Variants in SLC26A6 observed in about 807,000 individuals in gnomAD.
SLC26A6 encodes anion exchange transporter.
Under a neutral mutation model 87.1 loss-of-function variants are expected in SLC26A6, and 67 were observed. That is an observed-to-expected ratio of 0.77 (90% confidence interval 0.63 to 0.94). The LOEUF (loss-of-function observed/expected upper bound fraction) is 0.94. Ranked by LOEUF, SLC26A6 falls within the 40% of genes least tolerant of loss-of-function variation. SLC26A6 has a pLI of 0.00. For synonymous variants in SLC26A6, 414 were observed against 405.9 expected (o/e 1.02, Z -0.24); for missense variants, 902 against 973.0 (o/e 0.93, Z 0.97).
At position 48,627,421 on chromosome 3, in the gene SLC26A6, C is replaced by T. The variant is rs1274933458; in HGVS notation, c.1894-366G>A. On this transcript the variant is annotated intron_variant, in intron 17 of 20. Transcript: ENST00000395550. ...AAACGCATGCAGACACCTCGGCACC[C>T]TGCCCTGTCTCAGTCTCTAATTAAG... 1.6e-5 allele frequency: 4 copies of T among 244,378 alleles called. No homozygotes were observed. The Admixed American group carries it at 2.0e-4, about 12-fold the overall frequency. 15.1% of individuals were successfully genotyped at this position (244,378 alleles called of 1,614,324 possible).
rs1272833093 is a variant in SLC26A6, at chr3:48,628,660, C to G, written c.1654G>C (p.Ala552Pro). Reference sequence around the variant, plus strand: ...GCATCACTGTAGAACTCAGCATTGGCAAAGTACACGGTGGCCGAGGAGCGG... The same window carrying G: ...GCATCACTGTAGAACTCAGCATTGGGAAAGTACACGGTGGCCGAGGAGCGG... ...VFRSSATVYF[A>P]NAEFYSDALK... is the part of the protein sequence containing the mutation. The change falls in exon 15 of 21, where the codon GCC becomes CCC. Residue 552 changes from alanine (A) to proline (P), a missense_variant. This residue lies in a region of SLC26A6 where 800 missense variants were observed against 856.8 expected (regional missense o/e 0.93). Coordinates refer to ENST00000395550, the MANE Select transcript of SLC26A6 (RefSeq NM_022911.3). The surrounding 1 kb of genome is among the most constrained non-coding windows in gnomAD (Gnocchi z 4.4). 1.9e-6 allele frequency: 3 copies of G among 1,613,574 alleles called. No homozygotes were observed. Among genetic ancestry groups the G allele is most frequent in the Non-Finnish European group, 8.5e-7 (1 of 1,179,930 alleles).
intron 1 of SLC26A6, 29 bp downstream of exon 1, chr3:48,635,342 G>C (rs777116387): frequency 6.3e-7 from 1 of 1,583,718 alleles, no homozygotes; most frequent in Non-Finnish European, 8.6e-7. Flanking sequence ...CGCTCGCGCG[G>C]GGCCACCGGG....
In SLC26A6 at chr3:48,635,362, T is replaced by C; in HGVS notation, c.23+9A>G. 6.3e-7 allele frequency: 1 copy of C among 1,588,480 alleles called. No homozygotes were observed. ...GCGCGGGGCCACCGGGAATGTGCGC[T>C]GAACTCACCCCGACGCATCCGCCAG... On this transcript the variant is annotated intron_variant, in intron 1 of 20. Coordinates refer to ENST00000395550, the MANE Select transcript of SLC26A6 (RefSeq NM_022911.3).
rs748302737 is a variant in SLC26A6 at position 48,626,642 on chromosome 3, G to C, written c.2117C>G (p.Ala706Gly). 46 of 1,613,970 alleles carry C rather than the reference G, an allele frequency of 2.9e-5. No homozygotes were observed. In the South Asian group the frequency reaches 5.1e-4, roughly 18 times the overall value. Residue 706 changes from alanine to glycine, a missense_variant, in exon 19 of 21, where the codon GCG (alanine) becomes GGG (glycine). By Grantham distance (60) the Ala-to-Gly change is moderately conservative (BLOSUM62 0). Around this residue, in one of 3 missense-constraint regions of SLC26A6, gnomAD observed 99 missense variants for 100.1 expected, o/e 0.99. Transcript: ENST00000395550. ...FREIEVEVYM[A>G]ACHSPVVSQL... is the part of the protein sequence containing the mutation. ...CCCACCCTACTCACTGTGGCAGGCC[G>C]CCATGTACACCTCCACCTCAATCTC...
chr3:48,632,191 A>G (rs2046821904), intron 5 of SLC26A6, 54 bp downstream of exon 5: 13 of 1,570,218 alleles, frequency 8.3e-6, no homozygotes, highest in Admixed American at 1.8e-5. Flanking sequence ...CAGACAGGAC[A>G]GTGGCGGGAG....
rs770962407 is a variant in SLC26A6 at position 48,628,377 on chromosome 3, G to T, written c.1800+57C>A. The T allele has an allele frequency of 6.2e-7, 1 of 1,606,840 alleles. No individual in the cohort carries two copies. The highest frequency in any genetic ancestry group is 1.7e-5 in the Admixed American group (1 of 59,598). On this transcript the variant is annotated intron_variant, in intron 16 of 20. Coordinates refer to ENST00000395550, the MANE Select transcript of SLC26A6 (RefSeq NM_022911.3). This position sits in a 1 kb window ranked among gnomAD's most constrained non-coding sequence, Gnocchi z 4.4. ...GGAGGAGTCGGGGGCCAGGAGAAAG[G>T]CTGGGGCAGGGAACAGGGGGCAGGA...
intron 9 of SLC26A6, 47 bp from the exon 10 acceptor site, chr3:48,630,767 G>T: frequency 6.4e-7 from 1 of 1,558,366 alleles, no homozygotes; most frequent in South Asian, 1.2e-5. Flanking sequence ...AGAAGTGGCT[G>T]GTCACTGTTC....
At position 48,628,538 on chromosome 3, in the gene SLC26A6, C is replaced by T. The variant is rs1175187591; in HGVS notation, c.1696G>A (p.Gly566Ser). ...FYSDALKQRCGVDVDFLISQK... is the reference protein window; with the variant it reads ...FYSDALKQRCSVDVDFLISQK... The stretch of plus-strand genomic sequence containing the variant: ...GAGATGAGGAAGTCGACATCCACAC[C>T]ACACTGGAGGCAAACATCAGAGAAG... Residue 566 changes from glycine (G) to serine (S), a missense_variant, in exon 16 of 21, where the codon GGT (glycine) becomes AGT (serine). Coordinates refer to ENST00000395550, the MANE Select transcript of SLC26A6 (RefSeq NM_022911.3). This position sits in a 1 kb window ranked among gnomAD's most constrained non-coding sequence, Gnocchi z 4.4. The T allele has an allele frequency of 6.2e-7, 1 of 1,614,064 alleles. No individual in the cohort carries two copies. Among genetic ancestry groups the T allele is most frequent in the East Asian group, 2.2e-5 (1 of 44,884 alleles).
rs2046927713 is a variant in SLC26A6, at chr3:48,635,352, G to A, written c.23+19C>T. 1 of 1,587,202 alleles carries A rather than the reference G, an allele frequency of 6.3e-7. No homozygotes were observed. The highest frequency in any genetic ancestry group is 8.6e-7 in the Non-Finnish European group (1 of 1,168,504). ...CGAGGCGCTCGCGCGGGGCCACCGG[G>A]AATGTGCGCTGAACTCACCCCGACG... On this transcript the variant is annotated intron_variant, in intron 1 of 20. Transcript: ENST00000395550.
At chr3:48,632,468 G>C in intron 4 of SLC26A6, 72 bp from the exon 5 acceptor site, 1 of 1,537,628 alleles carries the variant, frequency 6.5e-7, no homozygotes, top group Non-Finnish European at 8.8e-7. Flanking sequence ...GGTCTTAAGA[G>C]AGAGGCCAGG....
At chr3:48,630,220 C>A (rs965152338) in intron 11 of SLC26A6, 63 bp from the exon 12 acceptor site, 2 of 1,570,030 alleles carry the variant, frequency 1.3e-6, no homozygotes, top group South Asian at 2.2e-5. Context: ...ACCCTCCTCA[C>A]CGAGGCAAAG....
Position 48,633,382 on chromosome 3 carries a change from C to T in SLC26A6, c.191G>A (p.Arg64His), listed in dbSNP as rs1479041553. The T allele has an allele frequency of 5.6e-6, 9 of 1,613,238 alleles. No homozygotes were observed. Among genetic ancestry groups the T allele is most frequent in the South Asian group, 1.1e-5 (1 of 91,092 alleles). The change falls in exon 3 of 21, where the codon CGT becomes CAT. Residue 64 changes from arginine to histidine, a missense_variant. By Grantham distance (29) the Arg-to-His change is conservative. Around this residue, in one of 3 missense-constraint regions of SLC26A6, gnomAD observed 800 missense variants for 856.8 expected, o/e 0.93. Coordinates refer to ENST00000395550, the MANE Select transcript of SLC26A6 (RefSeq NM_022911.3). ...HQWRTWLQCS[R>H]ARAYALLLQH... ...GAGCAGAAGGGCATAGGCCCGAGCA[C>T]GGGAGCACCTAGGGACATGATATGA...
At chr3:48,632,832 ATG>A (rs1475847792) in intron 4 of SLC26A6, 140 bp downstream of exon 4, 1 of 821,704 alleles carries the variant, frequency 1.2e-6, no homozygotes, top group Admixed American at 2.1e-5. Flanking sequence ...CTGCCTGGGG[ATG>A]ACTCGTGGGC....
intron 11 of SLC26A6, 54 bp downstream of exon 11, chr3:48,630,384 A>C: frequency 6.5e-7 from 1 of 1,531,884 alleles, no homozygotes; most frequent in South Asian, 1.2e-5. Context: ...AGACTGGCTG[A>C]TTTGAGAGCC....
At chr3:48,631,513 G>A (rs1009224396) in intron 7 of SLC26A6, 136 bp downstream of exon 7, 7 of 1,224,632 alleles carry the variant, frequency 5.7e-6, no homozygotes, top group Non-Finnish European at 7.8e-6. Flanking sequence ...GGGGCTTTCT[G>A]CTGTGCCCCC....
At chr3:48,626,194 T>C (rs369116402) in intron 20 of SLC26A6, 24 bp downstream of exon 20, 27 of 1,613,636 alleles carry the variant, frequency 1.7e-5, no homozygotes, top group Admixed American at 6.7e-5. Context: ...AAAAAAGAGC[T>C]TGGCAGGCCA....
intron 1 of SLC26A6, 187 bp from the exon 2 acceptor site, chr3:48,633,822 C>T: frequency 7.0e-7 from 1 of 1,436,546 alleles, no homozygotes. Context: ...AGTACCTGAA[C>T]TTTGGCTGGT....
In SLC26A6 at chr3:48,630,440, T is replaced by G. The variant is rs2046751543; in HGVS notation, c.1324A>C (p.Lys442Gln). The change falls in exon 11 of 21, where the codon AAG (lysine) becomes CAG (glutamine). Residue 442 changes from lysine (K) to glutamine (Q), a missense_variant and splice_region_variant. Coordinates refer to ENST00000395550, the MANE Select transcript of SLC26A6 (RefSeq NM_022911.3). ...AACCTGGCTGGGTGGGGGCTCACCT[T>G]GGGCAGGTCATGGAAGAGTTCCCCA... ...KLGELFHDLP[K>Q]AVLAAIIIVN... 3 of 1,555,560 alleles carry G rather than the reference T, an allele frequency of 1.9e-6. No individual in the cohort carries two copies. Among genetic ancestry groups the G allele is most frequent in the Non-Finnish European group, 2.6e-6 (3 of 1,149,230 alleles).
Position 48,633,464 on chromosome 3 carries a change from A to T in SLC26A6, c.182+13T>A. The T allele has an allele frequency of 6.2e-7, 1 of 1,612,814 alleles. No homozygotes were observed. Among genetic ancestry groups the T allele is most frequent in the Non-Finnish European group, 8.5e-7 (1 of 1,179,778 alleles). Reference sequence around the variant, plus strand: ...GCCCCGCCAGCGCCCCCAGGCCCCAATCTTGGCCTTACTGCAACCAGGTCC... The same window carrying T: ...GCCCCGCCAGCGCCCCCAGGCCCCATTCTTGGCCTTACTGCAACCAGGTCC... On this transcript the variant is annotated intron_variant, in intron 2 of 20. Coordinates refer to ENST00000395550, the MANE Select transcript of SLC26A6 (RefSeq NM_022911.3).
Sources: gnomAD v4.1 joint callset for allele counts on GRCh38, gnomAD v4.1.1 for gene constraint, gnomAD v4.1.1 regional missense constraint, Gnocchi (gnomAD v3.1) non-coding constraint, MANE v1.5 for transcripts, NCBI Gene and HGNC (gene_info 2026-07-23, HGNC 2026-07-21) for gene names.